Variants in SASS6 observed in about 807,000 individuals in gnomAD.
SASS6 encodes SAS-6 centriolar assembly protein.
Under a neutral mutation model 94.9 loss-of-function variants are expected in SASS6, and 59 were observed. The observed-to-expected ratio is 0.62, with a 90% confidence interval of 0.50 to 0.77. The LOEUF is 0.77. Ranked by LOEUF, SASS6 falls within the 30% of genes least tolerant of loss-of-function variation. SASS6 has a pLI of 0.00. For synonymous variants in SASS6, 264 were observed against 270.0 expected (o/e 0.98, Z 0.22); for missense variants, 698 against 734.1 (o/e 0.95, Z 0.57).
chr1:100,119,207 G>C, intron 6 of SASS6, 70 bp from the exon 7 acceptor site: 1 of 833,630 alleles, frequency 1.2e-6, no homozygotes, highest in Non-Finnish European at 1.7e-6. Flanking sequence ...TTAGAATATA[G>C]CAATATTTAC....
rs995269303 is a variant in SASS6, at chr1:100,089,614, T to C, written c.1675-1378A>G. ...CGGAATAACATCTTCAAAATACAGATAGGAAAAAAACTTGCCAACCTAAAG... is the reference window on the plus strand; with the variant it reads ...CGGAATAACATCTTCAAAATACAGACAGGAAAAAAACTTGCCAACCTAAAG... On this transcript the variant is annotated intron_variant, in intron 14 of 16. Transcript: ENST00000287482. Among the ~76,000 whole-genome samples, 6 of 151,906 alleles carry C rather than the reference T, an allele frequency of 3.9e-5. No individual in the cohort carries two copies. In the East Asian group the frequency reaches 7.7e-4, roughly 19 times the overall value.
In SASS6 at chr1:100,085,696, A is replaced by C. The variant is rs1190832912; in HGVS notation, c.1773-66T>G. On this transcript the variant is annotated intron_variant, in intron 15 of 16. Coordinates refer to ENST00000287482, the MANE Select transcript of SASS6 (RefSeq NM_194292.3). ...TATTAACTTTGAAGGTTTATCTCAT[A>C]TGTATACATATATATAAGATAATGT... 5.7e-6 allele frequency: 5 copies of C among 872,998 alleles called. No individual in the cohort carries two copies. The East Asian group carries it at 1.3e-4, about 22-fold the overall frequency. The allele number at this position is 872,998 out of a possible 1,614,324, so 54.1% of individuals were successfully genotyped here. A position where few individuals can be genotyped will look rare whatever the true frequency, so the allele number is the denominator to read the frequency against.
At chr1:100,127,690 AT>A (rs1654715486) in intron 1 of SASS6, among the ~76,000 whole-genome samples, 1 of 152,168 alleles carries the variant, frequency 6.6e-6, no homozygotes, top group South Asian at 2.1e-4. Context: ...CTCCAATTCC[AT>A]TTAAGCTTTC....
At chr1:100,087,939 T>C (rs1275796473) in intron 15 of SASS6, among the ~76,000 whole-genome samples, 200 bp downstream of exon 15, 3 of 152,276 alleles carry the variant, frequency 2.0e-5, no homozygotes, top group Non-Finnish European at 2.9e-5. Context: ...AATGAGTAGA[T>C]TGTTGGAGGA....
At chr1:100,120,052 A>G (rs1654057552) in intron 6 of SASS6, among the ~76,000 whole-genome samples, 1 of 152,218 alleles carries the variant, frequency 6.6e-6, no homozygotes, top group Admixed American at 6.5e-5. Flanking sequence ...AAAGGTTTAG[A>G]GCATAGGAAC....
At chr1:100,094,814 C>T (rs1221805475) in intron 14 of SASS6, among the ~76,000 whole-genome samples, 4 of 148,204 alleles carry the variant, frequency 2.7e-5, no homozygotes, top group Admixed American at 6.8e-5. Flanking sequence ...TGCAGGGAGC[C>T]GAGATCACAC....
intron 3 of SASS6, among the ~76,000 whole-genome samples, chr1:100,122,706 C>T (rs1654296556): frequency 6.6e-6 from 1 of 151,878 alleles, no homozygotes; most frequent in Non-Finnish European, 1.5e-5. Flanking sequence ...GCACATGCCA[C>T]CATACCTGGC....
chr1:100,130,314 A>C (rs951398579), intron 1 of SASS6, among the ~76,000 whole-genome samples: 1 of 152,120 alleles, frequency 6.6e-6, no homozygotes, highest in Non-Finnish European at 1.5e-5. Context: ...CATCCTCCAC[A>C]CTTAGGACAG....
chr1:100,098,886 C>A (rs1296251144), intron 14 of SASS6, among the ~76,000 whole-genome samples: 1 of 152,174 alleles, frequency 6.6e-6, no homozygotes, highest in African/African-American at 2.4e-5. Context: ...TATTTGAACA[C>A]ATATACATAT....
chr1:100,119,116 C>CT lies in SASS6; in HGVS notation c.570dup (p.Glu191ArgfsTer4). 6.4e-7 allele frequency: 1 copy of CT among 1,568,020 alleles called. No homozygotes were observed. The highest frequency in any genetic ancestry group is 8.7e-7 in the Non-Finnish European group (1 of 1,148,090). ...CATTCATTCCGTAACTTATCTAATT[C>CT]TTGTTTTTTTTCTGCTAATGTCTAC... is the stretch of plus-strand genomic sequence containing the variant. On this transcript the variant is annotated frameshift_variant, in exon 7 of 17. Coordinates refer to ENST00000287482, the MANE Select transcript of SASS6 (RefSeq NM_194292.3). LOFTEE classifies it high-confidence loss of function.
At chr1:100,121,983 TAATGA>T (rs1654233690) in intron 4 of SASS6, among the ~76,000 whole-genome samples, 1 of 152,224 alleles carries the variant, frequency 6.6e-6, no homozygotes, top group African/African-American at 2.4e-5. Flanking sequence ...TTGTTCTTCC[TAATGA>T]AATAACTGAT....
chr1:100,113,115 G>A (rs897806503), intron 7 of SASS6, among the ~76,000 whole-genome samples: 1 of 152,196 alleles, frequency 6.6e-6, no homozygotes, highest in South Asian at 2.1e-4. Context: ...CAATAGACAA[G>A]GAGTACTCCA....
Position 100,123,266 on chromosome 1 carries a change from A to T in SASS6, c.150T>A (p.Asp50Glu). The change falls in exon 3 of 17, where the codon GAT becomes GAA. Residue 50 changes from aspartate to glutamate, a missense_variant. Physicochemically the swap from Asp to Glu is conservative, Grantham distance 45. Coordinates refer to ENST00000287482, the MANE Select transcript of SASS6 (RefSeq NM_194292.3). ...HRKDLVIRLT[D>E]DTDPFFLYNL... The stretch of plus-strand genomic sequence containing the variant: ...TATATAAAAAAAATGGATCCGTGTC[A>T]TCAGTCAGACGAATAACTAAGTCCT... 1 of 1,557,588 alleles carries T rather than the reference A, an allele frequency of 6.4e-7. No homozygotes were observed. The highest frequency in any genetic ancestry group is 2.3e-5 in the East Asian group (1 of 44,366).
intron 15 of SASS6, 128 bp from the exon 16 acceptor site, chr1:100,085,758 C>T (rs1050313093): frequency 7.2e-6 from 4 of 556,976 alleles, no homozygotes; most frequent in Middle Eastern, 4.8e-4. Context: ...TTGTTCAGAA[C>T]ACATTCTTCA....
chr1:100,119,951 T>C (rs1414451304), intron 6 of SASS6, among the ~76,000 whole-genome samples: 1 of 152,236 alleles, frequency 6.6e-6, no homozygotes, highest in Non-Finnish European at 1.5e-5. Context: ...TGGCCTTCAA[T>C]TTCATGAACT....
chr1:100,112,303 T>C (rs564404082), intron 7 of SASS6, among the ~76,000 whole-genome samples: 5 of 152,070 alleles, frequency 3.3e-5, no homozygotes, highest in East Asian at 1.9e-4. Context: ...AAAACAAAAA[T>C]TAATAAAAAA....
At chr1:100,119,172 G>C in intron 6 of SASS6, 35 bp from the exon 7 acceptor site, 1 of 1,214,420 alleles carries the variant, frequency 8.2e-7, no homozygotes, top group Non-Finnish European at 1.1e-6. Flanking sequence ...ATTAAGATAG[G>C]CTCCTTAATA....
At chr1:100,115,597 G>A (rs1403673446) in intron 7 of SASS6, among the ~76,000 whole-genome samples, 1 of 152,174 alleles carries the variant, frequency 6.6e-6, no homozygotes, top group African/African-American at 2.4e-5. Flanking sequence ...GAAAGCCAAG[G>A]AAGGAGGATC....
chr1:100,110,241 A>C, intron 8 of SASS6, 51 bp downstream of exon 8: 1 of 1,178,824 alleles, frequency 8.5e-7, no homozygotes, highest in Non-Finnish European at 1.2e-6. Flanking sequence ...AAAATAACCA[A>C]ATCAAAACGT....
Sources: allele counts gnomAD v4.1 joint callset (sites outside exome capture counted in the v4.1 genomes callset), GRCh38; gene constraint gnomAD v4.1.1; transcripts MANE v1.5; gene names NCBI Gene and HGNC (gene_info 2026-07-23, HGNC 2026-07-21).